The following ADGRL3 variants were observed in gnomAD, a reference collection of about 807,000 sequenced individuals.
ADGRL3 encodes the protein adhesion G protein-coupled receptor L3.
A neutral mutation model predicts 153.5 loss-of-function variants in ADGRL3; 62 were observed. The observed-to-expected ratio is 0.40, with a 90% confidence interval of 0.33 to 0.50. The LOEUF (loss-of-function observed/expected upper bound fraction) is 0.50, where lower values mean the gene tolerates loss of function less well. Ranked by LOEUF, ADGRL3 falls within the 20% of genes least tolerant of loss-of-function variation. The pLI is 0.47. For synonymous variants in ADGRL3, 710 were observed against 672.5 expected, an observed-to-expected ratio of 1.06 and a Z score of -0.86; for missense variants, 1,641 against 1,859.4, an observed-to-expected ratio of 0.88 and a Z score of 2.16.
chr4:61,893,706 T>G (rs1421611163), intron 10 of ADGRL3, among the ~76,000 whole-genome samples: 2 of 127,142 alleles, frequency 1.6e-5, no homozygotes, highest in Admixed American at 9.7e-5. Flanking sequence ...AATATTTCTT[T>G]GCCTTTTTTT....
intron 15 of ADGRL3, among the ~76,000 whole-genome samples, chr4:61,937,033 C>T (rs1195323062): frequency 6.6e-6 from 1 of 152,112 alleles, no homozygotes; most frequent in Non-Finnish European, 1.5e-5. Context: ...ACTTAGAAAT[C>T]ATTTTTGTGT....
At chr4:62,066,592 C>T (rs773000509) in intron 25 of ADGRL3, among the ~76,000 whole-genome samples, 4 of 151,924 alleles carry the variant, frequency 2.6e-5, no homozygotes, top group Non-Finnish European at 4.4e-5. Context: ...TCACATTATA[C>T]AAAAACCTGT....
intron 8 of ADGRL3, among the ~76,000 whole-genome samples, chr4:61,762,683 T>C (rs181914614): frequency 2.0e-5 from 3 of 152,286 alleles, no homozygotes; most frequent in African/African-American, 7.2e-5. Context: ...AAAGATCTGA[T>C]AAATACAACA....
chr4:61,348,016 G>A (rs1328444520), intron 1 of ADGRL3, among the ~76,000 whole-genome samples: 2 of 152,012 alleles, frequency 1.3e-5, no homozygotes, highest in Non-Finnish European at 2.9e-5. Flanking sequence ...CAGACAAGGT[G>A]ACTTGTTAAT....
chr4:61,836,579 C>G (rs1191058787), intron 9 of ADGRL3, among the ~76,000 whole-genome samples: 1 of 151,878 alleles, frequency 6.6e-6, no homozygotes, highest in Non-Finnish European at 1.5e-5. Context: ...TCTGAAGTAC[C>G]CATAATTTCA....
In ADGRL3 at chr4:61,228,585, G is replaced by T. The variant is rs142257749; in HGVS notation, c.-240+26820G>T. The stretch of plus-strand genomic sequence containing the variant: ...TAGACTGAGAGGACCTTTAAGAAGA[G>T]CAAACCATGACAGATGAAAATTTGG... On this transcript the variant is annotated intron_variant, in intron 1 of 26. Transcript: ENST00000683033. Among the ~76,000 whole-genome samples the T allele has an allele frequency of 2.7e-3, 411 of 152,276 alleles. 2 individuals are homozygous for T. The highest frequency in any genetic ancestry group is 8.8e-3 in the African/African-American group (366 of 41,552).
intron 3 of ADGRL3, among the ~76,000 whole-genome samples, chr4:61,508,884 G>A (rs910836487): frequency 1.3e-5 from 2 of 152,072 alleles, no homozygotes; most frequent in African/African-American, 4.8e-5. Flanking sequence ...CATGGCGGGA[G>A]GCAAGAGCAC....
chr4:61,548,446 T>C (rs2098724411), intron 4 of ADGRL3, among the ~76,000 whole-genome samples: 1 of 152,148 alleles, frequency 6.6e-6, no homozygotes, highest in African/African-American at 2.4e-5. Flanking sequence ...CCATCTTTAG[T>C]TGATTTTTGC....
chr4:61,980,514 A>G (rs879136904), intron 18 of ADGRL3, among the ~76,000 whole-genome samples: 1 of 151,568 alleles, frequency 6.6e-6, no homozygotes, highest in Admixed American at 6.6e-5. Context: ...ATCCTGGCCC[A>G]CTGCAATCTC....
intron 5 of ADGRL3, among the ~76,000 whole-genome samples, chr4:61,644,275 G>GTA (rs2093846280): frequency 9.5e-6 from 1 of 105,182 alleles, no homozygotes; most frequent in Admixed American, 9.4e-5. Context: ...AGGGTTTTTT[G>GTA]TGTCTCTATT....
At chr4:61,787,798 T>C (rs1251293124) in intron 8 of ADGRL3, among the ~76,000 whole-genome samples, 1 of 152,090 alleles carries the variant, frequency 6.6e-6, no homozygotes, top group East Asian at 1.9e-4. Context: ...TCATATAAAT[T>C]CACTGCCACA....
rs536402989 is a variant in ADGRL3 at position 61,704,335 on chromosome 4, A to G, written c.584-26287A>G. 3.9e-4 allele frequency among the ~76,000 whole-genome samples: 60 copies of G among 152,344 alleles called. 1 individual carries two copies. The South Asian group carries it at 0.012, about 31-fold the overall frequency. ...AACAAATCTTGCAATAAAGAAAATC[A>G]TATAAATTTTTTGGTAACCTAGTAC... On this transcript the variant is annotated intron_variant, in intron 6 of 26. Coordinates refer to ENST00000683033, the MANE Select transcript of ADGRL3 (RefSeq NM_001387552.1).
intron 2 of ADGRL3, among the ~76,000 whole-genome samples, chr4:61,439,172 C>T (rs1046449719): frequency 6.6e-6 from 1 of 152,150 alleles, no homozygotes; most frequent in Non-Finnish European, 1.5e-5. Flanking sequence ...ATATGGGTTG[C>T]ATCTCATAAA....
At chr4:61,253,561 A>C (rs1378632871) in intron 1 of ADGRL3, among the ~76,000 whole-genome samples, 1 of 152,040 alleles carries the variant, frequency 6.6e-6, no homozygotes, top group African/African-American at 2.4e-5. Flanking sequence ...AGGCCAGGGA[A>C]TATACTGTGT....
intron 1 of ADGRL3, among the ~76,000 whole-genome samples, chr4:61,231,019 A>C (rs571332817): frequency 6.6e-6 from 1 of 152,242 alleles, no homozygotes; most frequent in African/African-American, 2.4e-5. Context: ...TCTTCCAGAC[A>C]CCCTTGTAGC....
In ADGRL3 at chr4:61,458,381, T is replaced by C. The variant is rs188318667; in HGVS notation, c.-173-38740T>C. 6.1e-3 allele frequency among the ~76,000 whole-genome samples: 931 copies of C among 151,516 alleles called. 15 individuals carry two copies. The highest frequency in any genetic ancestry group is 0.021 in the African/African-American group (870 of 41,508). On this transcript the variant is annotated intron_variant, in intron 2 of 26. Coordinates refer to ENST00000683033, the MANE Select transcript of ADGRL3 (RefSeq NM_001387552.1). ...GAGATTTATAAAAAACAATAATTTTTATTAATAATTATTTGATGAGAAGGA... is the reference window on the plus strand; with the variant it reads ...GAGATTTATAAAAAACAATAATTTTCATTAATAATTATTTGATGAGAAGGA...
chr4:61,277,786 G>A (rs978497227), intron 1 of ADGRL3, among the ~76,000 whole-genome samples: 3 of 152,084 alleles, frequency 2.0e-5, no homozygotes, highest in Admixed American at 1.3e-4. Flanking sequence ...AAATTAATAT[G>A]TGTCAAAATG....
intron 1 of ADGRL3, among the ~76,000 whole-genome samples, chr4:61,372,325 G>A (rs1241295640): frequency 1.3e-5 from 2 of 152,090 alleles, no homozygotes; most frequent in South Asian, 2.1e-4. Flanking sequence ...AGAGTTTCCA[G>A]TTTTTCTGTT....
intron 5 of ADGRL3, among the ~76,000 whole-genome samples, chr4:61,646,792 T>C (rs1185705337): frequency 6.6e-6 from 1 of 152,186 alleles, no homozygotes; most frequent in East Asian, 1.9e-4. Context: ...CCTTGAGCTG[T>C]GGTGGGCTCC....
Sources: gnomAD v4.1 joint callset for allele counts (sites outside exome capture counted in the v4.1 genomes callset) on GRCh38, gnomAD v4.1.1 for gene constraint, MANE v1.5 for transcripts, NCBI Gene and HGNC (gene_info 2026-07-23, HGNC 2026-07-21) for gene names.